SUGCT: variants seen among roughly 807,000 people sequenced by gnomAD.
The protein encoded by SUGCT is succinyl-CoA:glutarate CoA-transferase.
In SUGCT, 41 loss-of-function variants were observed where a neutral mutation model predicts 55.0. The observed-to-expected ratio is 0.74, with a 90% CI of 0.58 to 0.97. SUGCT has a LOEUF of 0.97. Among genes scored for constraint, SUGCT ranks in the 50% least tolerant of loss-of-function variants. The pLI is 0.00. For missense variants in SUGCT, 568 were observed against 547.8 expected (o/e 1.04, Z -0.37); for synonymous variants, 187 against 200.4 (o/e 0.93, Z 0.56).
chr7:40,511,175 A>G (rs1301434829), intron 12 of SUGCT, among the ~76,000 whole-genome samples: 1 of 152,192 alleles, frequency 6.6e-6, no homozygotes, highest in Non-Finnish European at 1.5e-5. Context: ...TAACCAAGTC[A>G]TCATACATCC....
chr7:40,466,856 G>C (rs1790137008), intron 11 of SUGCT, among the ~76,000 whole-genome samples: 2 of 152,176 alleles, frequency 1.3e-5, no homozygotes, highest in Non-Finnish European at 2.9e-5. Flanking sequence ...TTGAGCTTCA[G>C]GTTCTCATAT....
chr7:40,777,862 G>T (rs1382219336), intron 13 of SUGCT, among the ~76,000 whole-genome samples: 1 of 152,140 alleles, frequency 6.6e-6, no homozygotes, highest in African/African-American at 2.4e-5. Context: ...GGGCTGCACT[G>T]TACCACCCTC....
intron 12 of SUGCT, among the ~76,000 whole-genome samples, chr7:40,651,257 G>A (rs535121974): frequency 1.3e-5 from 2 of 152,242 alleles, no homozygotes; most frequent in East Asian, 3.9e-4. Context: ...AGCATCTGTT[G>A]TTTCTTGGCT....
Position 40,188,434 on chromosome 7 carries a change from CAAAAAAAA to C in SUGCT, c.227-47_227-40del, listed in dbSNP as rs35948652. On this transcript the variant is annotated intron_variant, in intron 3 of 13. Transcript: ENST00000335693. ...GGGCAACAGAGCAAGACTCCATCTC[CAAAAAAAA>C]AAAAAAAAAAAAACAAACCCCAAAG... The C allele has an allele frequency of 9.7e-4, 582 of 602,008 alleles. 2 individuals are homozygous for C. The highest frequency in any genetic ancestry group is 1.3e-3 in the Non-Finnish European group (543 of 414,420). 37.3% of individuals were successfully genotyped at this position (602,008 alleles called of 1,614,324 possible). A position where few individuals can be genotyped will look rare whatever the true frequency, so the allele number is the denominator to read the frequency against.
intron 12 of SUGCT, among the ~76,000 whole-genome samples, chr7:40,677,131 T>C (rs1784034384): frequency 6.6e-6 from 1 of 152,216 alleles, no homozygotes; most frequent in African/African-American, 2.4e-5. Flanking sequence ...GCAACAGTTA[T>C]AACAAATGTT....
At chr7:40,166,777 C>T (rs533052705) in intron 1 of SUGCT, among the ~76,000 whole-genome samples, 45 of 151,512 alleles carry the variant, frequency 3.0e-4, no homozygotes, top group Admixed American at 2.2e-3. Context: ...ATTCCAGCTA[C>T]TTGGGAGGCT....
the SUGCT span, among the ~76,000 whole-genome samples, chr7:40,900,821 T>C: frequency 2.0e-5 from 3 of 152,256 alleles, no homozygotes; most frequent in Non-Finnish European, 4.4e-5. Flanking sequence ...GAATGGCACA[T>C]CATTTATTTT....
chr7:40,603,216 A>G (rs774932640), intron 12 of SUGCT, among the ~76,000 whole-genome samples: 2 of 152,222 alleles, frequency 1.3e-5, no homozygotes, highest in Admixed American at 6.5e-5. Flanking sequence ...TTCAGACTCT[A>G]TATTTACACT....
At chr7:40,486,504 T>G (rs1791357744) in intron 11 of SUGCT, among the ~76,000 whole-genome samples, 1 of 152,104 alleles carries the variant, frequency 6.6e-6, no homozygotes, top group Non-Finnish European at 1.5e-5. Context: ...TCCATTGATT[T>G]ATAATTTTGG....
At chr7:40,994,380 C>T in the SUGCT span, among the ~76,000 whole-genome samples, 1 of 138,000 alleles carries the variant, frequency 7.2e-6, no homozygotes, top group East Asian at 2.2e-4. Flanking sequence ...ATATTTACAT[C>T]CCACTTCTCT....
intron 9 of SUGCT, among the ~76,000 whole-genome samples, chr7:40,354,949 AT>A (rs200179599): frequency 3.6e-4 from 54 of 150,934 alleles, no homozygotes; most frequent in Non-Finnish European, 5.0e-4. Flanking sequence ...TGCATATGCA[AT>A]TTTTTTTTTC....
intron 11 of SUGCT, among the ~76,000 whole-genome samples, chr7:40,461,931 G>T (rs188097052): frequency 3.3e-5 from 5 of 152,264 alleles, no homozygotes; most frequent in African/African-American, 1.2e-4. Context: ...GATTCAAAAG[G>T]CTACACCTTT....
At chr7:40,890,461 A>C in the SUGCT span, among the ~76,000 whole-genome samples, 3 of 148,940 alleles carry the variant, frequency 2.0e-5, no homozygotes, top group Admixed American at 2.0e-4. Context: ...CTCTTGGCTC[A>C]CCCCCATGGA....
chr7:40,321,367 G>T (rs746132998), intron 9 of SUGCT, among the ~76,000 whole-genome samples: 1 of 151,300 alleles, frequency 6.6e-6, no homozygotes, highest in South Asian at 2.1e-4. Flanking sequence ...ATGAGCCACC[G>T]TGCCCAGCCA....
intron 13 of SUGCT, among the ~76,000 whole-genome samples, chr7:40,855,380 C>T (rs1007254076): frequency 7.9e-5 from 12 of 151,802 alleles, no homozygotes; most frequent in Non-Finnish European, 1.8e-4. Context: ...GCTTCTTTCT[C>T]ACATTTTTTA....
chr7:40,304,048 C>CAAAA (rs529987357), intron 8 of SUGCT, among the ~76,000 whole-genome samples: 5 of 61,568 alleles, frequency 8.1e-5, no homozygotes, highest in Non-Finnish European at 1.1e-4. Context: ...GACTCCATCT[C>CAAAA]AAAAAAAAAA....
At chr7:40,342,056 G>T (rs912144363) in intron 9 of SUGCT, among the ~76,000 whole-genome samples, 1 of 152,206 alleles carries the variant, frequency 6.6e-6, no homozygotes, top group South Asian at 2.1e-4. Flanking sequence ...TCTCAGAATG[G>T]CCATGATGAA....
chr7:40,498,037 T>G (rs1263252017), intron 12 of SUGCT, among the ~76,000 whole-genome samples: 1 of 152,164 alleles, frequency 6.6e-6, no homozygotes, highest in African/African-American at 2.4e-5. Context: ...TCAATGTAAT[T>G]ACTTTAATCT....
intron 10 of SUGCT, among the ~76,000 whole-genome samples, chr7:40,455,006 G>C (rs1789401470): frequency 6.6e-6 from 1 of 152,086 alleles, no homozygotes; most frequent in African/African-American, 2.4e-5. Flanking sequence ...TATTTGATGG[G>C]TGAAAGCAAA....
Sources: gnomAD v4.1 joint callset for allele counts (sites outside exome capture counted in the v4.1 genomes callset) on GRCh38, gnomAD v4.1.1 for gene constraint, MANE v1.5 for transcripts, NCBI Gene and HGNC (gene_info 2026-07-23, HGNC 2026-07-21) for gene names.